PLXDC2: variants seen among roughly 807,000 people sequenced by gnomAD.
PLXDC2 encodes plexin domain-containing protein 2.
A neutral mutation model predicts 68.9 loss-of-function variants in PLXDC2; 40 were observed. The observed-to-expected ratio is 0.58, with a 90% CI of 0.45 to 0.76. PLXDC2 has a LOEUF of 0.76. PLXDC2 is among the 30% of genes least tolerant of loss of function. The pLI is 0.00. For synonymous variants in PLXDC2, 243 were observed against 234.2 expected, an observed-to-expected ratio of 1.04 and a Z score of -0.34; for missense variants, 644 against 661.9, an observed-to-expected ratio of 0.97 and a Z score of 0.30.
chr10:20,009,688 A>G (rs112938993), intron 2 of PLXDC2, among the ~76,000 whole-genome samples: 2 of 150,536 alleles, frequency 1.3e-5, no homozygotes, highest in African/African-American at 4.9e-5. Flanking sequence ...GTGTCATCTG[A>G]ACCAAGTCAC....
intron 1 of PLXDC2, among the ~76,000 whole-genome samples, chr10:19,875,309 CTG>C (rs1837612490): frequency 1.3e-5 from 2 of 152,092 alleles, no homozygotes; most frequent in Admixed American, 6.6e-5. Context: ...TACTCATTGA[CTG>C]TGTCACAAAA....
At chr10:20,116,097 G>A (rs923482530) in intron 4 of PLXDC2, among the ~76,000 whole-genome samples, 1 of 152,214 alleles carries the variant, frequency 6.6e-6, no homozygotes, top group African/African-American at 2.4e-5. Flanking sequence ...AAAGCTGCAT[G>A]TTAGGAAACC....
chr10:20,077,154 G>C (rs1836465455), intron 4 of PLXDC2, among the ~76,000 whole-genome samples: 1 of 152,116 alleles, frequency 6.6e-6, no homozygotes, highest in South Asian at 2.1e-4. Context: ...CAGCCAGGTA[G>C]CCTTTTAGCC....
intron 1 of PLXDC2, among the ~76,000 whole-genome samples, chr10:19,875,626 C>G (rs12570035): frequency 0.048 from 7,237 of 152,254 alleles, 240 homozygotes; most frequent in East Asian, 0.15. Context: ...AATGTTCAAT[C>G]TCTTCCCAGA....
At chr10:20,270,016 A>AAAAAATAAAAT (rs1207528380) in intron 13 of PLXDC2, among the ~76,000 whole-genome samples, 29 of 107,700 alleles carry the variant, frequency 2.7e-4, no homozygotes, top group South Asian at 9.1e-4. Context: ...AGGCTCCATC[A>AAAAAATAAAAT]AAAAATAAAA....
chr10:20,274,025 T>G (rs1588555969), intron 13 of PLXDC2, among the ~76,000 whole-genome samples: 1 of 128,018 alleles, frequency 7.8e-6, no homozygotes, highest in South Asian at 2.3e-4. Context: ...GGTTACAGAG[T>G]AAGATACTGT....
intron 13 of PLXDC2, among the ~76,000 whole-genome samples, chr10:20,258,688 A>C (rs758118241): frequency 6.6e-6 from 1 of 152,098 alleles, no homozygotes; most frequent in East Asian, 1.9e-4. Flanking sequence ...AAGATGTGCA[A>C]ATTTGTTTTC....
At chr10:20,107,163 A>G (rs1436841376) in intron 4 of PLXDC2, among the ~76,000 whole-genome samples, 1 of 151,412 alleles carries the variant, frequency 6.6e-6, no homozygotes, top group Non-Finnish European at 1.5e-5. Context: ...ACTGCATGCT[A>G]TACTCTTTAC....
At chr10:19,963,199 T>C (rs1429379979) in intron 1 of PLXDC2, among the ~76,000 whole-genome samples, 1 of 152,094 alleles carries the variant, frequency 6.6e-6, no homozygotes, top group East Asian at 1.9e-4. Flanking sequence ...TCCCTTGAAA[T>C]CAGAAGTAAC....
At chr10:20,234,625 C>T (rs145514459) in intron 12 of PLXDC2, among the ~76,000 whole-genome samples, 6 of 149,828 alleles carry the variant, frequency 4.0e-5, no homozygotes, top group South Asian at 2.1e-4. Context: ...AAAGCTCTAC[C>T]GAGCTGTTGT....
chr10:20,169,660 G>A (rs946667531), intron 7 of PLXDC2, among the ~76,000 whole-genome samples: 5 of 152,066 alleles, frequency 3.3e-5, no homozygotes, highest in African/African-American at 9.7e-5. Flanking sequence ...TCTACTTTCC[G>A]AGCTTAATGA....
At chr10:20,203,355 A>T (rs1834946576) in intron 9 of PLXDC2, among the ~76,000 whole-genome samples, 1 of 150,852 alleles carries the variant, frequency 6.6e-6, no homozygotes. Flanking sequence ...CAGTGGTATG[A>T]TAACAGCTCA....
intron 1 of PLXDC2, among the ~76,000 whole-genome samples, chr10:19,945,837 A>T (rs1398162001): frequency 6.6e-6 from 1 of 151,988 alleles, no homozygotes; most frequent in Non-Finnish European, 1.5e-5. Flanking sequence ...CCCCCAGTTC[A>T]CTCCAATCAG....
chr10:20,102,310 G>T (rs529542538), intron 4 of PLXDC2, among the ~76,000 whole-genome samples: 5 of 152,062 alleles, frequency 3.3e-5, no homozygotes, highest in Non-Finnish European at 4.4e-5. Flanking sequence ...TAGATAACTC[G>T]GTGTTTCCTA....
chr10:19,824,284 C>A (rs144217083), intron 1 of PLXDC2, among the ~76,000 whole-genome samples: 5 of 152,264 alleles, frequency 3.3e-5, no homozygotes, highest in Non-Finnish European at 5.9e-5. Context: ...AGATTTGTGG[C>A]CCACCTCCAA....
At chr10:20,208,550 A>G (rs1212256193) in intron 9 of PLXDC2, among the ~76,000 whole-genome samples, 1 of 152,210 alleles carries the variant, frequency 6.6e-6, no homozygotes, top group Non-Finnish European at 1.5e-5. Context: ...ATATGTTAAC[A>G]TTCAGGGGCA....
chr10:20,279,623 A>C (rs1164424580), intron 13 of PLXDC2, 80 bp from the exon 14 acceptor site: 3 of 1,068,042 alleles, frequency 2.8e-6, no homozygotes, highest in Non-Finnish European at 4.3e-6. Flanking sequence ...ATTTAATCTA[A>C]AATAGCTAGC....
chr10:19,858,290 A>G (rs1033555777), intron 1 of PLXDC2, among the ~76,000 whole-genome samples: 1 of 152,172 alleles, frequency 6.6e-6, no homozygotes, highest in Non-Finnish European at 1.5e-5. Flanking sequence ...CCATGCAGCT[A>G]ACCTGCTGTC....
chr10:19,916,391 C>T (rs369110747), intron 1 of PLXDC2, among the ~76,000 whole-genome samples: 6 of 150,928 alleles, frequency 4.0e-5, no homozygotes, highest in African/African-American at 1.5e-4. Context: ...TCAGGTGATC[C>T]GCCCACCTTA....
Sources: allele counts gnomAD v4.1 joint callset (sites outside exome capture counted in the v4.1 genomes callset), GRCh38; gene constraint gnomAD v4.1.1; transcripts MANE v1.5; gene names NCBI Gene and HGNC (gene_info 2026-07-23, HGNC 2026-07-21).